GRB10: variants seen among roughly 807,000 people sequenced by gnomAD.
GRB10 encodes the protein growth factor receptor-bound protein 10.
In GRB10, 20 loss-of-function variants were observed where a neutral mutation model predicts 80.9. The ratio of observed to expected loss-of-function variants is 0.25; its 90% CI spans 0.17 to 0.36. The LOEUF (loss-of-function observed/expected upper bound fraction) is 0.36. GRB10 is among the 10% of genes least tolerant of loss of function. The pLI is 1.00. For synonymous variants in GRB10, 291 were observed against 291.5 expected (o/e 1.00, Z 0.02); for missense variants, 548 against 747.7 (o/e 0.73, Z 3.12).
intron 7 of GRB10, among the ~76,000 whole-genome samples, chr7:50,663,754 G>A (rs1312783321): frequency 6.6e-6 from 1 of 152,182 alleles, no homozygotes; most frequent in Non-Finnish European, 1.5e-5. Context: ...TTAGATTCGG[G>A]CCATCATCCC....
chr7:50,680,798 TG>T (rs762954143), intron 5 of GRB10, among the ~76,000 whole-genome samples: 5 of 152,208 alleles, frequency 3.3e-5, no homozygotes, highest in African/African-American at 7.2e-5. Flanking sequence ...TTTCTTAGAA[TG>T]TTTTTTTTCT....
At chr7:50,699,403 C>A (rs1449152152) in intron 5 of GRB10, among the ~76,000 whole-genome samples, 1 of 152,172 alleles carries the variant, frequency 6.6e-6, no homozygotes. Context: ...TGAATTTTAA[C>A]AAGTTAAGGA....
At chr7:50,719,628 A>G (rs2067403409) in intron 4 of GRB10, among the ~76,000 whole-genome samples, 1 of 152,176 alleles carries the variant, frequency 6.6e-6, no homozygotes, top group African/African-American at 2.4e-5. Flanking sequence ...CCACCATGGC[A>G]CATGTATACC....
At chr7:50,742,040 A>G (rs921071506) in intron 3 of GRB10, among the ~76,000 whole-genome samples, 36 of 152,190 alleles carry the variant, frequency 2.4e-4, no homozygotes, top group African/African-American at 8.4e-4. Context: ...AGAATCATCT[A>G]AAGTAAAAAC....
chr7:50,634,227 G>A (rs756500271), intron 7 of GRB10, among the ~76,000 whole-genome samples: 7 of 152,164 alleles, frequency 4.6e-5, no homozygotes, highest in Non-Finnish European at 7.3e-5. Flanking sequence ...GAGACTGGGG[G>A]TCTATTTTTA....
chr7:50,659,590 AGCAGCTGTGC>A (rs3831530), intron 7 of GRB10, among the ~76,000 whole-genome samples: 53,844 of 152,100 alleles, frequency 0.35, 9,836 homozygotes, highest in Middle Eastern at 0.52. Flanking sequence ...TGCTGAGCTA[AGCAGCTGTGC>A]AATAGTGTGT....
At chr7:50,741,677 C>T (rs2071778493) in intron 3 of GRB10, among the ~76,000 whole-genome samples, 1 of 151,524 alleles carries the variant, frequency 6.6e-6, no homozygotes, top group Non-Finnish European at 1.5e-5. Context: ...CAATGCACAC[C>T]CCCATGTGTC....
At chr7:50,720,185 T>A (rs1189076960) in intron 4 of GRB10, among the ~76,000 whole-genome samples, 3 of 152,172 alleles carry the variant, frequency 2.0e-5, no homozygotes, top group Non-Finnish European at 4.4e-5. Context: ...AATATTTACT[T>A]TCTTCTTTAA....
At chr7:50,694,253 G>A (rs888187136) in intron 5 of GRB10, among the ~76,000 whole-genome samples, 15 of 152,222 alleles carry the variant, frequency 9.9e-5, no homozygotes, top group Non-Finnish European at 2.2e-4. Context: ...GAACCTGGGA[G>A]GTGGAGGTTG....
chr7:50,692,842 G>C (rs1343516959), intron 5 of GRB10, among the ~76,000 whole-genome samples: 1 of 152,062 alleles, frequency 6.6e-6, no homozygotes, highest in African/African-American at 2.4e-5. Flanking sequence ...GTGCAGGGTG[G>C]CTCCTCTAAA....
At position 50,703,854 on chromosome 7, in the gene GRB10, G is replaced by A. The variant is rs780216004; in HGVS notation, c.106C>T (p.Pro36Ser). 6.2e-7 allele frequency: 1 copy of A among 1,613,498 alleles called. No homozygotes were observed. Among genetic ancestry groups the A allele is most frequent in the South Asian group, 1.1e-5 (1 of 91,048 alleles). ...SQQDPAGPGLPAQSDRLANHQ... is the reference protein window; with the variant it reads ...SQQDPAGPGLSAQSDRLANHQ... ...TTCGCAAGTCGGTCAGACTGTGCGG[G>A]GAGTCCTGGTCCTGCCGGGTCTTGT... The change falls in exon 5 of 19, where the codon CCC becomes TCC. Residue 36 changes from proline (P) to serine (S), a missense_variant. Pro to Ser is a moderately conservative substitution (Grantham distance 74). This residue lies in a region of GRB10 where 245 missense variants were observed against 229.3 expected (regional missense o/e 1.07). Coordinates refer to ENST00000401949, the MANE Select transcript of GRB10 (RefSeq NM_001350814.2).
intron 17 of GRB10, among the ~76,000 whole-genome samples, chr7:50,596,566 T>C (rs542662361): frequency 5.2e-4 from 79 of 152,352 alleles, no homozygotes; most frequent in Non-Finnish European, 8.8e-4. Context: ...GGAAGAAGGG[T>C]ATAGATTAGA....
chr7:50,603,388 G>A (rs1433158460), intron 17 of GRB10, among the ~76,000 whole-genome samples: 5 of 152,194 alleles, frequency 3.3e-5, no homozygotes, highest in Admixed American at 2.0e-4. Context: ...GAGAAGTCTC[G>A]TGCATGTGTA....
At chr7:50,670,546 C>T (rs114032675) in intron 6 of GRB10, among the ~76,000 whole-genome samples, 1,647 of 151,252 alleles carry the variant, frequency 0.011, 27 homozygotes, top group African/African-American at 0.038. Context: ...GGCGGGGTGC[C>T]GAAGTTTTGT....
At chr7:50,715,943 C>T (rs1017949508) in intron 4 of GRB10, among the ~76,000 whole-genome samples, 1 of 152,220 alleles carries the variant, frequency 6.6e-6, no homozygotes, top group African/African-American at 2.4e-5. Flanking sequence ...AGCTTCCAAG[C>T]TGCAGCGCAG....
At chr7:50,669,288 C>G (rs1383966149) in intron 7 of GRB10, among the ~76,000 whole-genome samples, 1 of 152,210 alleles carries the variant, frequency 6.6e-6, no homozygotes, top group African/African-American at 2.4e-5. Context: ...CGGGCATGTG[C>G]TCGGCTTCTG....
intron 8 of GRB10, among the ~76,000 whole-genome samples, chr7:50,622,464 G>A (rs904211165): frequency 3.9e-5 from 6 of 152,178 alleles, no homozygotes; most frequent in Non-Finnish European, 8.8e-5. Flanking sequence ...TAAACAGCCC[G>A]AAAAGGACTT....
At chr7:50,689,790 G>T (rs2062571780) in intron 5 of GRB10, among the ~76,000 whole-genome samples, 1 of 151,738 alleles carries the variant, frequency 6.6e-6, no homozygotes, top group African/African-American at 2.4e-5. Context: ...GGCAATACTA[G>T]TACATTCTGT....
At chr7:50,680,643 T>C (rs2061437259) in intron 5 of GRB10, among the ~76,000 whole-genome samples, 2 of 152,216 alleles carry the variant, frequency 1.3e-5, no homozygotes, top group South Asian at 2.1e-4. Flanking sequence ...TCAAAGTTTG[T>C]GATGACATAA....
Sources: allele counts gnomAD v4.1 joint callset (sites outside exome capture counted in the v4.1 genomes callset), GRCh38; gene constraint gnomAD v4.1.1; regional missense constraint gnomAD v4.1.1; transcripts MANE v1.5; gene names NCBI Gene and HGNC (gene_info 2026-07-23, HGNC 2026-07-21).